Variants in ISLR2 observed in about 807,000 individuals in gnomAD.
ISLR2 encodes the protein immunoglobulin superfamily containing leucine-rich repeat protein 2.
Under a neutral mutation model 25.5 loss-of-function variants are expected in ISLR2, and 16 were observed. That is an observed-to-expected ratio of 0.63 (90% CI 0.43 to 0.95). The LOEUF is 0.95. Ranked by LOEUF, ISLR2 falls within the 40% of genes least tolerant of loss-of-function variation. ISLR2 has a pLI of 0.00. For synonymous variants in ISLR2, 508 were observed against 486.6 expected, an observed-to-expected ratio of 1.04 and a Z score of -0.58; for missense variants, 883 against 1,030.7, an observed-to-expected ratio of 0.86 and a Z score of 1.96.
chr15:74,111,348 G>T (rs1229154294), intron 2 of ISLR2, among the ~76,000 whole-genome samples: 1 of 151,850 alleles, frequency 6.6e-6, no homozygotes, highest in African/African-American at 2.4e-5. Flanking sequence ...GGAGTGCAGT[G>T]GCATGATCTC....
chr15:74,106,629 A>G (rs1056960839), intron 2 of ISLR2, among the ~76,000 whole-genome samples: 4 of 152,060 alleles, frequency 2.6e-5, no homozygotes, highest in African/African-American at 9.7e-5. Context: ...GGGGTTCTTT[A>G]CGTCCACACA....
upstream of ISLR2, among the ~76,000 whole-genome samples, chr15:74,125,106 G>A (rs1011077951): frequency 6.6e-6 from 1 of 152,180 alleles, no homozygotes; most frequent in Non-Finnish European, 1.5e-5. Context: ...GTCCTGCCAC[G>A]GAGGAGCTGG....
At chr15:74,127,804 C>T (rs2072318649), upstream of ISLR2, 2 of 152,496 alleles carry the variant, frequency 1.3e-5, no homozygotes, top group South Asian at 2.1e-4. Flanking sequence ...CCCCACCCTC[C>T]CGACGCTCCG....
chr15:74,116,871 C>A (rs2072215254), intron 2 of ISLR2, among the ~76,000 whole-genome samples: 1 of 152,200 alleles, frequency 6.6e-6, no homozygotes, highest in Non-Finnish European at 1.5e-5. Context: ...GAGACTTCCC[C>A]TGGGCTCTTC....
chr15:74,132,708 A>G lies in ISLR2; in HGVS notation c.-8-39A>G. The G allele has an allele frequency of 6.3e-7, 1 of 1,583,430 alleles. No homozygotes were observed. The highest frequency in any genetic ancestry group is 8.6e-7 in the Non-Finnish European group (1 of 1,162,070). On this transcript the variant is annotated intron_variant, in intron 2 of 2. Coordinates refer to ENST00000453268, the MANE Select transcript of ISLR2 (RefSeq NM_020851.3). This position sits in a 1 kb window ranked among gnomAD's most constrained non-coding sequence, Gnocchi z 4.3. ...AGGGGAGGTAAGCTGGGGTTCAGTG[A>G]GTCACCTTCTTTCTTCTTCACCTGG...
chr15:74,104,216 A>T (rs865793269), intron 2 of ISLR2, among the ~76,000 whole-genome samples: 4 of 133,676 alleles, frequency 3.0e-5, no homozygotes, highest in Non-Finnish European at 1.8e-5. Context: ...ATATTTGACA[A>T]TATCTGAAAT....
At position 74,133,552 on chromosome 15, in the gene ISLR2, T is replaced by A; in HGVS notation, c.798T>A (p.Pro266=). The change falls in exon 3 of 3, where the codon CCT becomes CCA. Residue 266 remains proline, a synonymous_variant. Transcript: ENST00000453268. ...FVLHCIADGH[P]TPRLQWQLQI... is the part of the protein sequence containing the mutation. ...TACACTGCATCGCCGACGGCCACCC[T>A]ACGCCTCGCCTGCAATGGCAACTTC... 3.1e-6 allele frequency: 5 copies of A among 1,614,130 alleles called. No individual in the cohort carries two copies. Among genetic ancestry groups the A allele is most frequent in the Non-Finnish European group, 4.2e-6 (5 of 1,179,990 alleles).
At chr15:74,137,900 T>C (rs1434473028), downstream of ISLR2, among the ~76,000 whole-genome samples, 1 of 152,238 alleles carries the variant, frequency 6.6e-6, no homozygotes, top group Non-Finnish European at 1.5e-5. Context: ...TCTTGGGGCC[T>C]GAGCCCAGAT....
intron 2 of ISLR2, among the ~76,000 whole-genome samples, chr15:74,106,657 A>G (rs2072122613): frequency 6.6e-6 from 1 of 152,078 alleles, no homozygotes; most frequent in Admixed American, 6.5e-5. Context: ...CATGGTGACC[A>G]TGAATGGGGT....
chr15:74,109,150 CT>C, intron 2 of ISLR2, among the ~76,000 whole-genome samples: 1 of 152,316 alleles, frequency 6.6e-6, no homozygotes, highest in East Asian at 1.9e-4. Flanking sequence ...TATTTTCTGA[CT>C]TTTTTTCTCA....
At chr15:74,104,607 A>C (rs1186972940) in intron 2 of ISLR2, among the ~76,000 whole-genome samples, 1 of 152,122 alleles carries the variant, frequency 6.6e-6, no homozygotes, top group East Asian at 1.9e-4. Context: ...ACATAGTGAG[A>C]CCACATCTCT....
upstream of ISLR2, chr15:74,129,817 G>C (rs2072366200): frequency 6.6e-6 from 1 of 152,262 alleles, no homozygotes; most frequent in Non-Finnish European, 1.5e-5. The surrounding 1 kb of genome is among the most constrained non-coding windows in gnomAD (Gnocchi z 4.5). Flanking sequence ...AGGCTGTGAA[G>C]ATATGGGGGG....
intron 2 of ISLR2, among the ~76,000 whole-genome samples, chr15:74,112,313 GC>G (rs1382815457): frequency 6.6e-6 from 1 of 152,060 alleles, no homozygotes; most frequent in Admixed American, 6.6e-5. Flanking sequence ...AATATAGGAA[GC>G]CCAGTTAAAT....
rs1457306876 is a variant in ISLR2, at chr15:74,133,883, C to T, written c.1129C>T (p.Pro377Ser). 1.2e-6 allele frequency: 2 copies of T among 1,609,698 alleles called. No individual in the cohort carries two copies. The highest frequency in any genetic ancestry group is 1.7e-6 in the Non-Finnish European group (2 of 1,178,292). ...ACGCGTGGCGGTGGCAGCAACCGGG[C>T]CCCCAAAACACGCGCCTGGCGCCGG... ...SIRVAVAATG[P>S]PKHAPGAGGE... The change falls in exon 3 of 3, where the codon CCC (proline) becomes TCC (serine). Residue 377 changes from proline (P) to serine (S), a missense_variant. Pro to Ser is a moderately conservative substitution (Grantham distance 74, BLOSUM62 -1). Coordinates refer to ENST00000453268, the MANE Select transcript of ISLR2 (RefSeq NM_020851.3).
chr15:74,115,908 A>G (rs1391945682), intron 2 of ISLR2, among the ~76,000 whole-genome samples: 2 of 150,556 alleles, frequency 1.3e-5, no homozygotes, highest in Middle Eastern at 3.5e-3. Flanking sequence ...AAAAAAAAAA[A>G]CAACACAGGC....
chr15:74,139,863 A>AGTGT (rs10579764), downstream of ISLR2, among the ~76,000 whole-genome samples: 1,020 of 128,086 alleles, frequency 8.0e-3, 16 homozygotes, highest in African/African-American at 0.024. Flanking sequence ...CGGCTTGAGG[A>AGTGT]GTGTGTGTGT....
chr15:74,108,816 A>AGGC, intron 2 of ISLR2, among the ~76,000 whole-genome samples: 1 of 152,166 alleles, frequency 6.6e-6, no homozygotes, highest in East Asian at 1.9e-4. Context: ...GGCTGGATGC[A>AGGC]ATGTAGGGCC....
chr15:74,104,703 G>A (rs2072107003), intron 2 of ISLR2, among the ~76,000 whole-genome samples: 1 of 152,094 alleles, frequency 6.6e-6, no homozygotes, highest in Non-Finnish European at 1.5e-5. Context: ...GAGCCCAGGA[G>A]TTGGAGGCTA....
chr15:74,128,386 G>T (rs139701330), upstream of ISLR2: 4 of 441,654 alleles, frequency 9.1e-6, no homozygotes, highest in African/African-American at 4.1e-5. Context: ...CTCCGGGCCC[G>T]CGGGAGTCAG....
Sources: allele counts gnomAD v4.1 joint callset (sites outside exome capture counted in the v4.1 genomes callset), GRCh38; gene constraint gnomAD v4.1.1; non-coding constraint Gnocchi (gnomAD v3.1); transcripts MANE v1.5; gene names NCBI Gene and HGNC (gene_info 2026-07-23, HGNC 2026-07-21).